The following MSH4 variants were observed in gnomAD, a reference collection of about 807,000 sequenced individuals.
MSH4 encodes the protein mutS protein homolog 4.
In MSH4, 106 loss-of-function variants were observed where a neutral mutation model predicts 113.7. That is an observed-to-expected ratio of 0.93 (90% CI 0.80 to 1.10). The LOEUF is 1.10. Ranked by LOEUF, MSH4 falls within the 50% of genes least tolerant of loss-of-function variation. The pLI is 0.00. For missense variants in MSH4, 1,061 were observed against 1,093.7 expected, an observed-to-expected ratio of 0.97 and a Z score of 0.42; for synonymous variants, 368 against 380.2, an observed-to-expected ratio of 0.97 and a Z score of 0.37.
intron 2 of MSH4, 88 bp from the exon 3 acceptor site, chr1:75,806,893 C>G: frequency 2.4e-6 from 3 of 1,225,170 alleles, no homozygotes; most frequent in Non-Finnish European, 3.3e-6. Context: ...TTATTTTGTC[C>G]TCTTGATTAA....
intron 4 of MSH4, among the ~76,000 whole-genome samples, chr1:75,814,137 A>G (rs915372210): frequency 2.0e-5 from 3 of 151,952 alleles, no homozygotes; most frequent in African/African-American, 4.8e-5. Context: ...CCTTTTACTT[A>G]ACAACTTGAT....
At chr1:75,904,523 T>C (rs1652579342) in intron 19 of MSH4, among the ~76,000 whole-genome samples, 1 of 150,734 alleles carries the variant, frequency 6.6e-6, no homozygotes, top group African/African-American at 2.4e-5. Flanking sequence ...TTTTCTTTCT[T>C]TTTTTTTTGA....
At position 75,797,086 on chromosome 1, in the gene MSH4, G is replaced by A. The variant is rs745618288; in HGVS notation, c.101G>A (p.Gly34Glu). ...RSPQGPRYNFGLQETPQSRPS... is the reference protein window; with the variant it reads ...RSPQGPRYNFELQETPQSRPS... Reference sequence around the variant, plus strand: ...CCTCAGGGTCCCCGCTACAATTTCGGACTCCAGGAGACTCCACAGAGCCGC... The same window carrying A: ...CCTCAGGGTCCCCGCTACAATTTCGAACTCCAGGAGACTCCACAGAGCCGC... Residue 34 changes from glycine (G) to glutamate (E), a missense_variant, in exon 1 of 20, where the codon GGA becomes GAA. Gly to Glu is a moderately conservative substitution (Grantham distance 98). Transcript: ENST00000263187. 1 of 1,614,004 alleles carries A rather than the reference G, an allele frequency of 6.2e-7. No homozygotes were observed. Among genetic ancestry groups the A allele is most frequent in the Admixed American group, 1.7e-5 (1 of 60,020 alleles).
chr1:75,899,124 G>A (rs1326533654), intron 18 of MSH4, among the ~76,000 whole-genome samples: 1 of 152,108 alleles, frequency 6.6e-6, no homozygotes, highest in Admixed American at 6.5e-5. Flanking sequence ...CTAAAAACAT[G>A]AGAATTATAA....
intron 18 of MSH4, among the ~76,000 whole-genome samples, chr1:75,899,008 C>A (rs930598666): frequency 1.2e-4 from 18 of 152,100 alleles, no homozygotes; most frequent in Non-Finnish European, 2.5e-4. Flanking sequence ...CAATTACTAA[C>A]GTCTCAATAA....
At chr1:75,805,383 GTTTTTTTTT>G (rs35951661) in intron 2 of MSH4, among the ~76,000 whole-genome samples, 1 of 124,324 alleles carries the variant, frequency 8.0e-6, no homozygotes, top group South Asian at 2.5e-4. Flanking sequence ...ACCATTTTTT[GTTTTTTTTT>G]TTTTTTGGTT....
At chr1:75,831,336 A>G (rs1650684917) in intron 7 of MSH4, among the ~76,000 whole-genome samples, 2 of 152,174 alleles carry the variant, frequency 1.3e-5, no homozygotes, top group Non-Finnish European at 2.9e-5. Flanking sequence ...ACACAATAAT[A>G]GTCGGAGACT....
In MSH4 at chr1:75,898,139, A is replaced by G. The variant is rs111951058; in HGVS notation, c.2530+58A>G. Reference sequence around the variant, plus strand: ...AAATACTATATATTCTCCTAAGACAAACTTTCATCTCTTCTTTACTTGGCT... The same window carrying G: ...AAATACTATATATTCTCCTAAGACAGACTTTCATCTCTTCTTTACTTGGCT... On this transcript the variant is annotated intron_variant, in intron 18 of 19. Coordinates refer to ENST00000263187, the MANE Select transcript of MSH4 (RefSeq NM_002440.4). 1.5e-5 allele frequency: 17 copies of G among 1,152,050 alleles called. No homozygotes were observed. In the African/African-American group the frequency reaches 1.7e-4, roughly 12 times the overall value. The allele number at this position is 1,152,050 out of a possible 1,614,324, so 71.4% of individuals were successfully genotyped here. A position where few individuals can be genotyped will look rare whatever the true frequency, so the allele number is the denominator to read the frequency against.
chr1:75,896,107 C>T (rs1387786422), intron 17 of MSH4, among the ~76,000 whole-genome samples: 1 of 152,042 alleles, frequency 6.6e-6, no homozygotes, highest in Non-Finnish European at 1.5e-5. Flanking sequence ...AAAGGCTGAT[C>T]CTTCTAAGAA....
intron 1 of MSH4, among the ~76,000 whole-genome samples, chr1:75,803,400 T>A (rs961336766): frequency 6.6e-6 from 1 of 152,026 alleles, no homozygotes; most frequent in Non-Finnish European, 1.5e-5. Flanking sequence ...AGGCAGATCA[T>A]GAGGTCAGGA....
intron 1 of MSH4, among the ~76,000 whole-genome samples, chr1:75,801,075 T>C (rs1649925186): frequency 6.6e-6 from 1 of 152,204 alleles, no homozygotes; most frequent in Non-Finnish European, 1.5e-5. Context: ...CAAGAATATT[T>C]TGTGATATTA....
In MSH4 at chr1:75,895,465, A is replaced by C. The variant is rs192529925; in HGVS notation, c.2356-2442A>C. On this transcript the variant is annotated intron_variant, in intron 17 of 19. Coordinates refer to ENST00000263187, the MANE Select transcript of MSH4 (RefSeq NM_002440.4). ...GGCTTGCTGAAGCCAAAGGAAATAC[A>C]GAATAGGTAGTAAAAGGAAAAGGTA... Among the ~76,000 whole-genome samples, 5 of 152,272 alleles carry C rather than the reference A, an allele frequency of 3.3e-5. 1 individual carries two copies. The East Asian group carries it at 9.7e-4, about 29-fold the overall frequency.
At position 75,847,398 on chromosome 1, in the gene MSH4, A is replaced by C. The variant is rs183948597; in HGVS notation, c.1163-811A>C. 5.0e-3 allele frequency among the ~76,000 whole-genome samples: 755 copies of C among 152,314 alleles called. 6 individuals carry two copies. The highest frequency in any genetic ancestry group is 0.017 in the African/African-American group (712 of 41,576). ...GGGAAGTTATGTGGTTAGTGGTTGAACTATACTTTTAAACTAAGGATCTTT... is the reference window on the plus strand; with the variant it reads ...GGGAAGTTATGTGGTTAGTGGTTGACCTATACTTTTAAACTAAGGATCTTT... On this transcript the variant is annotated intron_variant, in intron 7 of 19. Coordinates refer to ENST00000263187, the MANE Select transcript of MSH4 (RefSeq NM_002440.4).
intron 19 of MSH4, among the ~76,000 whole-genome samples, chr1:75,911,492 C>T (rs1319377141): frequency 6.6e-6 from 1 of 152,116 alleles, no homozygotes; most frequent in African/African-American, 2.4e-5. Flanking sequence ...TTCCCTTCCT[C>T]TGAGTATTTT....
At chr1:75,844,714 A>T (rs75784028) in intron 7 of MSH4, among the ~76,000 whole-genome samples, 1,975 of 152,350 alleles carry the variant, frequency 0.013, 44 homozygotes, top group African/African-American at 0.045. Context: ...TTTGTAGAAC[A>T]CTGTAAGCTG....
At chr1:75,906,189 C>A (rs1652626128) in intron 19 of MSH4, among the ~76,000 whole-genome samples, 1 of 151,318 alleles carries the variant, frequency 6.6e-6, no homozygotes, top group African/African-American at 2.4e-5. Flanking sequence ...CAGGGTTTCA[C>A]CATGTTGTCC....
At chr1:75,854,678 A>G (rs889651687) in intron 8 of MSH4, among the ~76,000 whole-genome samples, 2 of 152,118 alleles carry the variant, frequency 1.3e-5, no homozygotes, top group African/African-American at 4.8e-5. Context: ...CATTGTTCAT[A>G]TTAAAATGAT....
chr1:75,895,905 AG>A (rs1204009248), intron 17 of MSH4, among the ~76,000 whole-genome samples: 15 of 152,104 alleles, frequency 9.9e-5, no homozygotes, highest in Non-Finnish European at 2.1e-4. Context: ...CAAGTTTACA[AG>A]GGGTGGATTT....
At chr1:75,839,608 A>G (rs1488243074) in intron 7 of MSH4, among the ~76,000 whole-genome samples, 2 of 152,190 alleles carry the variant, frequency 1.3e-5, no homozygotes, top group Non-Finnish European at 2.9e-5. Flanking sequence ...TTATTAAAAT[A>G]TAAGAATCTC....
Sources: gnomAD v4.1 joint callset for allele counts (sites outside exome capture counted in the v4.1 genomes callset) on GRCh38, gnomAD v4.1.1 for gene constraint, MANE v1.5 for transcripts, NCBI Gene and HGNC (gene_info 2026-07-23, HGNC 2026-07-21) for gene names.